The following CLDN11 variants were observed in gnomAD, a reference collection of about 807,000 sequenced individuals.
The protein encoded by CLDN11 is claudin-11.
In CLDN11, 1 loss-of-function variant was observed where a neutral mutation model predicts 18.0. The observed-to-expected ratio is 0.06, with a 90% CI of 0.02 to 0.26. The LOEUF is 0.26. Ranked by LOEUF, CLDN11 falls within the 10% of genes least tolerant of loss-of-function variation. The probability of loss-of-function intolerance (pLI) is 1.00; values close to 1 mark genes in which losing one functional copy is unlikely to be tolerated. For missense variants in CLDN11, 172 were observed against 276.6 expected, an observed-to-expected ratio of 0.62 and a Z score of 2.68; for synonymous variants, 116 against 121.5, an observed-to-expected ratio of 0.96 and a Z score of 0.30.
chr3:170,423,127 T>C, intron 1 of CLDN11, 36 bp from the exon 2 acceptor site: 1 of 1,612,160 alleles, frequency 6.2e-7, no homozygotes, highest in African/African-American at 1.3e-5. Flanking sequence ...GAGAACCCTG[T>C]GGTCTAACCT....
chr3:170,419,392 C>T lies in CLDN11; in HGVS notation c.226+100C>T, dbSNP rs1321120868. ...CAGAGACATTTTGGGGGCTTGAAGA[C>T]CTTTGGGTACGTTTTTGACATCCCT... On this transcript the variant is annotated intron_variant, in intron 1 of 2. Transcript: ENST00000064724. The surrounding 1 kb of genome is among the most constrained non-coding windows in gnomAD (Gnocchi z 8.6). The T allele has an allele frequency of 8.5e-6, 7 of 823,580 alleles. No homozygotes were observed. Among genetic ancestry groups the T allele is most frequent in the Non-Finnish European group, 1.3e-5 (7 of 531,936 alleles). The allele number at this position is 823,580 out of a possible 1,614,324, so 51.0% of individuals were successfully genotyped here. A position where few individuals can be genotyped will look rare whatever the true frequency, so the allele number is the denominator to read the frequency against.
intron 2 of CLDN11, among the ~76,000 whole-genome samples, chr3:170,431,377 G>C (rs1010152120): frequency 6.6e-6 from 1 of 152,094 alleles, no homozygotes; most frequent in African/African-American, 2.4e-5. Flanking sequence ...TTATTTTTCT[G>C]TCTGCCAACT....
chr3:170,426,028 C>T (rs879466014), intron 2 of CLDN11, among the ~76,000 whole-genome samples: 2 of 152,114 alleles, frequency 1.3e-5, no homozygotes, highest in Non-Finnish European at 2.9e-5. Flanking sequence ...TGTCACTCCC[C>T]CAGAGAAGCC....
In CLDN11 at chr3:170,419,195, G is replaced by A. The variant is rs376285070; in HGVS notation, c.129G>A (p.Lys43=). ...GCTACACCATCCCCACCTGCCGCAA[G>A]CTGGATGAGCTGGGCTCCAAGGGGC... is the stretch of plus-strand genomic sequence containing the variant. The part of the protein sequence containing the change: ...TCGYTIPTCR[K]LDELGSKGLW... The change falls in exon 1 of 3, where the codon AAG becomes AAA. Residue 43 remains lysine, a synonymous_variant. Coordinates refer to ENST00000064724, the MANE Select transcript of CLDN11 (RefSeq NM_005602.6). The surrounding 1 kb of genome is among the most constrained non-coding windows in gnomAD (Gnocchi z 8.6). 6.4e-7 allele frequency: 1 copy of A among 1,565,294 alleles called. No homozygotes were observed. The highest frequency in any genetic ancestry group is 8.7e-7 in the Non-Finnish European group (1 of 1,155,244).
chr3:170,429,445 T>C (rs1034339966), intron 2 of CLDN11, among the ~76,000 whole-genome samples: 2 of 152,216 alleles, frequency 1.3e-5, no homozygotes, highest in Non-Finnish European at 2.9e-5. Flanking sequence ...AATAAGATTT[T>C]ATGACTTTGG....
At chr3:170,420,837 G>A (rs947808378) in intron 1 of CLDN11, among the ~76,000 whole-genome samples, 5 of 152,162 alleles carry the variant, frequency 3.3e-5, no homozygotes, top group African/African-American at 9.7e-5. Flanking sequence ...GGTGAGGGGG[G>A]ACAAATTGCT....
chr3:170,430,030 T>C (rs937193360), intron 2 of CLDN11, among the ~76,000 whole-genome samples: 8 of 152,246 alleles, frequency 5.3e-5, no homozygotes, highest in Non-Finnish European at 1.2e-4. Flanking sequence ...CCCCTTCTTT[T>C]TCCTCTAAAC....
In CLDN11 at chr3:170,432,838, C is replaced by A; in HGVS notation, c.*82C>A. On this transcript the variant is annotated 3_prime_UTR_variant, in exon 3 of 3. Transcript: ENST00000064724. Reference sequence around the variant, plus strand: ...TTTGCTCGTCACAGTGTGGGGAAGCCCATTCCTCTGCCAGGCTCTAAAGCC... The same window carrying A: ...TTTGCTCGTCACAGTGTGGGGAAGCACATTCCTCTGCCAGGCTCTAAAGCC... 7.4e-7 allele frequency: 1 copy of A among 1,350,032 alleles called. No homozygotes were observed. 83.6% of individuals were successfully genotyped at this position (1,350,032 alleles called of 1,614,324 possible).
At chr3:170,426,918 A>C (rs1738868864) in intron 2 of CLDN11, among the ~76,000 whole-genome samples, 1 of 152,212 alleles carries the variant, frequency 6.6e-6, no homozygotes, top group African/African-American at 2.4e-5. Flanking sequence ...ACTAGCTGGG[A>C]TTACTGGCAT....
At chr3:170,421,691 A>AC (rs551331881) in intron 1 of CLDN11, among the ~76,000 whole-genome samples, 223 of 150,172 alleles carry the variant, frequency 1.5e-3, no homozygotes, top group East Asian at 5.9e-3. Context: ...AATAAATGTG[A>AC]CCCCCCCCAC....
At chr3:170,429,074 T>A (rs7621787) in intron 2 of CLDN11, among the ~76,000 whole-genome samples, 136,368 of 152,282 alleles carry the variant, frequency 0.9, 61,085 homozygotes, top group East Asian at 0.99. Flanking sequence ...TAATGATTTG[T>A]CTTGAATTTT....
intron 2 of CLDN11, among the ~76,000 whole-genome samples, chr3:170,430,705 T>C (rs963578080): frequency 4.3e-5 from 6 of 139,436 alleles, no homozygotes; most frequent in Admixed American, 2.8e-4. Flanking sequence ...CATCCATGCC[T>C]GGCTAATTTT....
At chr3:170,423,677 G>A in intron 2 of CLDN11, 1 of 206,174 alleles carries the variant, frequency 4.9e-6, no homozygotes, top group Non-Finnish European at 1.0e-5. Context: ...CAGATCAATT[G>A]AATCAGAATT....
In CLDN11 at chr3:170,419,314, C is replaced by A; in HGVS notation, c.226+22C>A. On this transcript the variant is annotated intron_variant, in intron 1 of 2. Coordinates refer to ENST00000064724, the MANE Select transcript of CLDN11 (RefSeq NM_005602.6). The surrounding 1 kb of genome is among the most constrained non-coding windows in gnomAD (Gnocchi z 8.6). ...CCGGGTAAGGACCCGAGCTTGGCGG[C>A]GGCTCCCAAATCCTTATCCTCTGGG... The A allele has an allele frequency of 6.6e-7, 1 of 1,517,476 alleles. No individual in the cohort carries two copies. The highest frequency in any genetic ancestry group is 8.9e-7 in the Non-Finnish European group (1 of 1,118,196). 94.0% of individuals were successfully genotyped at this position (1,517,476 alleles called of 1,614,324 possible). A position where few individuals can be genotyped will look rare whatever the true frequency, so the allele number is the denominator to read the frequency against.
chr3:170,421,185 C>T (rs1401334394), intron 1 of CLDN11: 5 of 631,700 alleles, frequency 7.9e-6, no homozygotes, highest in Non-Finnish European at 9.9e-6. Flanking sequence ...CTAGTCCTTC[C>T]TGCCTTCCCC....
chr3:170,429,501 G>T (rs1234564297), intron 2 of CLDN11, among the ~76,000 whole-genome samples: 2 of 152,182 alleles, frequency 1.3e-5, no homozygotes, highest in East Asian at 3.8e-4. Context: ...ATTGAAATGA[G>T]ACTACTTCTC....
At chr3:170,420,684 C>G (rs571211580) in intron 1 of CLDN11, among the ~76,000 whole-genome samples, 21 of 152,294 alleles carry the variant, frequency 1.4e-4, no homozygotes, top group Non-Finnish European at 2.6e-4. Flanking sequence ...CAGTGCTTGC[C>G]TGGTTTGCCT....
At chr3:170,426,118 G>A (rs752191483) in intron 2 of CLDN11, among the ~76,000 whole-genome samples, 5 of 152,148 alleles carry the variant, frequency 3.3e-5, no homozygotes, top group Non-Finnish European at 5.9e-5. Context: ...AGAAGATGAG[G>A]CACCTCCTGG....
At chr3:170,428,936 G>A (rs1418382037) in intron 2 of CLDN11, among the ~76,000 whole-genome samples, 1 of 152,134 alleles carries the variant, frequency 6.6e-6, no homozygotes, top group African/African-American at 2.4e-5. Flanking sequence ...AAATAACAGA[G>A]AGAACCATTC....
Sources: gnomAD v4.1 joint callset for allele counts (sites outside exome capture counted in the v4.1 genomes callset) on GRCh38, gnomAD v4.1.1 for gene constraint, Gnocchi (gnomAD v3.1) non-coding constraint, MANE v1.5 for transcripts, NCBI Gene and HGNC (gene_info 2026-07-23, HGNC 2026-07-21) for gene names.